Variants in TSHR observed in about 807,000 individuals in gnomAD.
TSHR encodes the protein thyrotropin receptor.
A neutral mutation model predicts 64.1 loss-of-function variants in TSHR; 51 were observed. The observed-to-expected ratio is 0.80, with a 90% confidence interval of 0.64 to 1.01. TSHR has a LOEUF of 1.01. Ranked by LOEUF, TSHR falls within the 50% of genes least tolerant of loss-of-function variation. The probability of loss-of-function intolerance (pLI) is 0.00; values close to 1 mark genes in which losing one functional copy is unlikely to be tolerated. For missense variants in TSHR, 877 were observed against 942.8 expected, an observed-to-expected ratio of 0.93 and a Z score of 0.91; for synonymous variants, 361 against 361.9, an observed-to-expected ratio of 1.00 and a Z score of 0.03.
At position 80,982,405 on chromosome 14, in the gene TSHR, C is replaced by A. The variant is rs1307078715; in HGVS notation, c.170+26555C>A. On this transcript the variant is annotated intron_variant, in intron 1 of 9. Coordinates refer to ENST00000298171, the MANE Select transcript of TSHR (RefSeq NM_000369.5). ...TCATTCCGGTGCTAAGAATGATAAA[C>A]CTGAAATTGGTGCCCAGGTCTGTGC... 17 of 1,240,042 alleles carry A rather than the reference C, an allele frequency of 1.4e-5. No homozygotes were observed. In the Middle Eastern group the frequency reaches 1.0e-3, roughly 75 times the overall value. The allele number at this position is 1,240,042 out of a possible 1,614,324, so 76.8% of individuals were successfully genotyped here.
At chr14:81,034,097 A>T (rs1884500744) in intron 1 of TSHR, among the ~76,000 whole-genome samples, 1 of 152,216 alleles carries the variant, frequency 6.6e-6, no homozygotes, top group African/African-American at 2.4e-5. Context: ...TTAGAAAAGT[A>T]TGCAAGTTTT....
Position 81,092,459 on chromosome 14 carries a change from A to G in TSHR, c.468-72A>G, listed in dbSNP as rs906647918. On this transcript the variant is annotated intron_variant, in intron 5 of 9. Transcript: ENST00000298171. ...ATTGTGTCCTGTTATTTAAGTGCAT[A>G]TGCGCAGCAAGACCCCTGCTGCAGA... The G allele has an allele frequency of 3.4e-5, 45 of 1,319,044 alleles. No homozygotes were observed. The African/African-American group carries it at 5.6e-4, about 16-fold the overall frequency. 81.7% of individuals were successfully genotyped at this position (1,319,044 alleles called of 1,614,324 possible). A position where few individuals can be genotyped will look rare whatever the true frequency, so the allele number is the denominator to read the frequency against.
In TSHR at chr14:81,103,684, C is replaced by A. The variant is rs929405554; in HGVS notation, c.615-4691C>A. ...TGAAATTAATAATAATACAAGCATC[C>A]CTTGCTCAACAGAAGTTGAACTGTA... On this transcript the variant is annotated intron_variant, in intron 7 of 9. Transcript: ENST00000298171. This position sits in a 1 kb window ranked among gnomAD's most constrained non-coding sequence, Gnocchi z 4.1. 3 of 985,316 alleles carry A rather than the reference C, an allele frequency of 3.0e-6. No homozygotes were observed. Among genetic ancestry groups the A allele is most frequent in the Non-Finnish European group, 3.6e-6 (3 of 829,950 alleles). 61.0% of individuals were successfully genotyped at this position (985,316 alleles called of 1,614,324 possible). A position where few individuals can be genotyped will look rare whatever the true frequency, so the allele number is the denominator to read the frequency against.
chr14:81,015,147 C>A (rs986167495), intron 1 of TSHR, among the ~76,000 whole-genome samples: 1 of 152,128 alleles, frequency 6.6e-6, no homozygotes, highest in African/African-American at 2.4e-5. Flanking sequence ...TTGGACTTTG[C>A]AAACAACCAA....
intron 1 of TSHR, among the ~76,000 whole-genome samples, chr14:80,956,200 G>C (rs1010973876): frequency 2.0e-5 from 3 of 152,172 alleles, no homozygotes; most frequent in African/African-American, 7.2e-5. Flanking sequence ...GGCATCTCAG[G>C]AACTGACCTT....
intron 1 of TSHR, among the ~76,000 whole-genome samples, chr14:81,025,253 A>G (rs1208171793): frequency 6.6e-6 from 1 of 152,194 alleles, no homozygotes; most frequent in Admixed American, 6.5e-5. Context: ...ACAGATGAGT[A>G]TATCCCTAGC....
intron 1 of TSHR, chr14:81,013,115 T>C (rs1890008888): frequency 6.6e-6 from 1 of 152,190 alleles, no homozygotes; most frequent in Non-Finnish European, 1.5e-5. Flanking sequence ...AATTGATTTT[T>C]GTATAAGGTG....
intron 1 of TSHR, among the ~76,000 whole-genome samples, chr14:81,004,906 A>T (rs1022447775): frequency 2.6e-5 from 4 of 152,326 alleles, no homozygotes; most frequent in African/African-American, 9.6e-5. Context: ...TTGGATACTC[A>T]TGGTTTTCTC....
intron 1 of TSHR, among the ~76,000 whole-genome samples, chr14:81,042,117 G>T (rs1014644085): frequency 1.3e-5 from 2 of 152,232 alleles, no homozygotes; most frequent in African/African-American, 4.8e-5. Flanking sequence ...CAATTAGAAT[G>T]GGTATTCTCA....
chr14:81,124,389 G>A (rs986908865), intron 8 of TSHR, among the ~76,000 whole-genome samples: 2 of 151,792 alleles, frequency 1.3e-5, no homozygotes, highest in African/African-American at 2.4e-5. Flanking sequence ...ATACAATAAC[G>A]TACACAATTT....
At chr14:80,987,321 T>C (rs377744166) in intron 1 of TSHR, among the ~76,000 whole-genome samples, 37 of 152,224 alleles carry the variant, frequency 2.4e-4, no homozygotes, top group African/African-American at 7.5e-4. Flanking sequence ...TAAAGCACTC[T>C]GGCTCTTTCC....
chr14:81,129,841 CA>C (rs1891166107), intron 8 of TSHR, among the ~76,000 whole-genome samples: 1 of 152,226 alleles, frequency 6.6e-6, no homozygotes, highest in African/African-American at 2.4e-5. Flanking sequence ...CATCGCCTCT[CA>C]AAAACTCAAG....
chr14:81,087,998 C>T lies in TSHR; in HGVS notation c.362C>T (p.Ala121Val), dbSNP rs776078012. 1 of 1,613,778 alleles carries T rather than the reference C, an allele frequency of 6.2e-7. No individual in the cohort carries two copies. The highest frequency in any genetic ancestry group is 1.1e-5 in the South Asian group (1 of 91,064). ...AACTTAACTTACATAGACCCTGATG[C>T]CCTCAAAGAGCTCCCCCTCCTAAAG... ...TRNLTYIDPD[A>V]LKELPLLKFL... The change falls in exon 4 of 10, where the codon GCC (alanine) becomes GTC (valine). Residue 121 changes from alanine (A) to valine (V), a missense_variant. Transcript: ENST00000298171.
intron 8 of TSHR, among the ~76,000 whole-genome samples, chr14:81,112,981 G>A (rs1324007398): frequency 6.6e-6 from 1 of 152,166 alleles, no homozygotes; most frequent in African/African-American, 2.4e-5. Context: ...CCATCATCAG[G>A]TCTTTTGATT....
intron 1 of TSHR, among the ~76,000 whole-genome samples, chr14:80,978,784 C>T (rs779838576): frequency 1.3e-5 from 2 of 152,162 alleles, no homozygotes; most frequent in Non-Finnish European, 2.9e-5. Context: ...TCTCTTTCAT[C>T]TTCTCTGTTT....
intron 1 of TSHR, among the ~76,000 whole-genome samples, chr14:80,969,474 T>C (rs896474392): frequency 6.6e-6 from 1 of 152,198 alleles, no homozygotes; most frequent in Non-Finnish European, 1.5e-5. Context: ...AGGGTGGAAA[T>C]GGTCCAGTAT....
At chr14:80,984,208 T>C (rs1888322489) in intron 1 of TSHR, among the ~76,000 whole-genome samples, 1 of 152,208 alleles carries the variant, frequency 6.6e-6, no homozygotes, top group African/African-American at 2.4e-5. Context: ...CAGATACTCA[T>C]TCCACAACAC....
At chr14:81,069,241 T>C (rs1886880991) in intron 3 of TSHR, among the ~76,000 whole-genome samples, 1 of 152,102 alleles carries the variant, frequency 6.6e-6, no homozygotes. Context: ...AGACTAAATA[T>C]GTTTTCCTTG....
At chr14:81,011,497 A>T (rs180692869) in intron 1 of TSHR, among the ~76,000 whole-genome samples, 1 of 152,146 alleles carries the variant, frequency 6.6e-6, no homozygotes, top group Non-Finnish European at 1.5e-5. Context: ...AAATTTGTAC[A>T]GTATTTATAG....
Sources: gnomAD v4.1 joint callset for allele counts (sites outside exome capture counted in the v4.1 genomes callset) on GRCh38, gnomAD v4.1.1 for gene constraint, Gnocchi (gnomAD v3.1) non-coding constraint, MANE v1.5 for transcripts, NCBI Gene and HGNC (gene_info 2026-07-23, HGNC 2026-07-21) for gene names.